The following SPSB4 variants were observed in gnomAD, a reference collection of about 807,000 sequenced individuals.
SPSB4 encodes the protein splA/ryanodine receptor domain and SOCS box containing 4.
SPSB4 carries 21 observed loss-of-function variants against 20.9 expected under a neutral mutation model. The observed-to-expected ratio is 1.01, with a 90% CI of 0.71 to 1.45. The LOEUF is 1.45. Among genes scored for constraint, SPSB4 ranks in the 40% most tolerant of loss-of-function variants. SPSB4 has a pLI of 0.00. For synonymous variants in SPSB4, 207 were observed against 183.8 expected (o/e 1.13, Z -1.02); for missense variants, 399 against 399.2 (o/e 1.00, Z 0.00).
chr3:141,124,203 C>T (rs1007785442), intron 2 of SPSB4: 18 of 152,304 alleles, frequency 1.2e-4, no homozygotes, highest in African/African-American at 4.1e-4. Context: ...CAAAGCAGAG[C>T]GGTAAGGGCT....
intron 2 of SPSB4, among the ~76,000 whole-genome samples, chr3:141,121,928 C>A (rs1165617095): frequency 1.3e-5 from 2 of 152,202 alleles, no homozygotes; most frequent in African/African-American, 4.8e-5. Flanking sequence ...ACTTGTCAAA[C>A]TCATTCTCCG....
At chr3:141,115,329 G>T (rs1298053791) in intron 2 of SPSB4, 1 of 152,188 alleles carries the variant, frequency 6.6e-6, no homozygotes, top group African/African-American at 2.4e-5. Flanking sequence ...TGGTGGATGA[G>T]CTTTATTCTG....
chr3:141,108,767 C>T (rs947329600), intron 2 of SPSB4, among the ~76,000 whole-genome samples: 1 of 152,156 alleles, frequency 6.6e-6, no homozygotes, highest in African/African-American at 2.4e-5. Flanking sequence ...GCTGTGGCAT[C>T]GAGGAAGTGC....
At chr3:141,103,443 C>G (rs996735801) in intron 2 of SPSB4, among the ~76,000 whole-genome samples, 1 of 152,188 alleles carries the variant, frequency 6.6e-6, no homozygotes, top group African/African-American at 2.4e-5. Flanking sequence ...TTTTGGTGCC[C>G]TCAGCTGTAC....
intron 2 of SPSB4, among the ~76,000 whole-genome samples, chr3:141,142,186 A>C (rs1365240473): frequency 6.6e-6 from 1 of 152,188 alleles, no homozygotes; most frequent in Non-Finnish European, 1.5e-5. Flanking sequence ...TAATGCTATG[A>C]ACTTTCCTCT....
chr3:141,110,998 C>T (rs1938788069), intron 2 of SPSB4, among the ~76,000 whole-genome samples: 1 of 152,218 alleles, frequency 6.6e-6, no homozygotes, highest in South Asian at 2.1e-4. Context: ...TGGTTATAGA[C>T]TTGGGCTCTA....
At chr3:141,146,139 G>A (rs548482199) in intron 2 of SPSB4, among the ~76,000 whole-genome samples, 54 of 149,120 alleles carry the variant, frequency 3.6e-4, no homozygotes, top group African/African-American at 1.2e-3. Context: ...AGTTATCCCT[G>A]TATCCCCAGG....
chr3:141,091,252 C>G (rs1938444134), intron 2 of SPSB4, among the ~76,000 whole-genome samples: 1 of 152,168 alleles, frequency 6.6e-6, no homozygotes, highest in Non-Finnish European at 1.5e-5. Flanking sequence ...AGCACCAAGC[C>G]CTTGGGCACT....
In SPSB4 at chr3:141,129,029, G is replaced by A. The variant is rs369591525; in HGVS notation, c.695-18113G>A. 1.8e-4 allele frequency among the ~76,000 whole-genome samples: 27 copies of A among 152,324 alleles called. No individual in the cohort carries two copies. In the East Asian group the frequency reaches 3.7e-3, roughly 21 times the overall value. ...GCACACATCCAAAAAGGAAGCTGCT[G>A]TTTGCTCTGCAACAGTGTAGCTCCC... On this transcript the variant is annotated intron_variant, in intron 2 of 2. Transcript: ENST00000310546.
intron 2 of SPSB4, among the ~76,000 whole-genome samples, chr3:141,089,548 T>C (rs1576526408): frequency 6.6e-6 from 1 of 151,028 alleles, no homozygotes; most frequent in Non-Finnish European, 1.5e-5. Context: ...TGAACAAAGG[T>C]GGAGGGAGGA....
intron 2 of SPSB4, among the ~76,000 whole-genome samples, chr3:141,142,237 G>C (rs956138042): frequency 1.3e-5 from 2 of 152,164 alleles, no homozygotes; most frequent in African/African-American, 4.8e-5. Context: ...TTTGTAAGTT[G>C]TGTCACTATT....
intron 2 of SPSB4, among the ~76,000 whole-genome samples, chr3:141,121,842 T>G (rs762020842): frequency 4.6e-5 from 7 of 152,226 alleles, no homozygotes; most frequent in South Asian, 4.1e-4. Context: ...TTTAGCTTCC[T>G]TGCAATTGGT....
At chr3:141,093,993 T>C (rs1344018190) in intron 2 of SPSB4, among the ~76,000 whole-genome samples, 3 of 152,068 alleles carry the variant, frequency 2.0e-5, no homozygotes, top group Non-Finnish European at 2.9e-5. Flanking sequence ...ATGAGATGTC[T>C]GTAAAAAAAA....
At chr3:141,129,834 C>T (rs1006402260) in intron 2 of SPSB4, among the ~76,000 whole-genome samples, 4 of 152,246 alleles carry the variant, frequency 2.6e-5, no homozygotes, top group Non-Finnish European at 5.9e-5. Flanking sequence ...TTATTTAGGA[C>T]TATTTTCCTG....
intron 2 of SPSB4, among the ~76,000 whole-genome samples, chr3:141,094,159 C>A (rs1426696749): frequency 6.6e-6 from 1 of 152,238 alleles, no homozygotes; most frequent in Non-Finnish European, 1.5e-5. Context: ...TGCCCTGAGG[C>A]TGACACTGCG....
At chr3:141,070,264 TG>T (rs2107781229) in intron 2 of SPSB4, among the ~76,000 whole-genome samples, 1 of 152,354 alleles carries the variant, frequency 6.6e-6, no homozygotes, top group East Asian at 1.9e-4. Context: ...GTGTTTAGTC[TG>T]AGTGGGTGAG....
Position 141,066,039 on chromosome 3 carries a change from C to A in SPSB4, c.-66C>A. 7.3e-7 allele frequency: 1 copy of A among 1,371,452 alleles called. No homozygotes were observed. The highest frequency in any genetic ancestry group is 9.5e-7 in the Non-Finnish European group (1 of 1,050,920). 85.0% of individuals were successfully genotyped at this position (1,371,452 alleles called of 1,614,324 possible). A position where few individuals can be genotyped will look rare whatever the true frequency, so the allele number is the denominator to read the frequency against. ...TCCCAGCCCCGTGGCCCATTCCTGG[C>A]TACGGGGAGTGGAGGCTCCCACGAG... is the stretch of plus-strand genomic sequence containing the variant. On this transcript the variant is annotated 5_prime_UTR_variant, in exon 2 of 3. Transcript: ENST00000310546.
At chr3:141,096,586 T>C (rs1348018260) in intron 2 of SPSB4, among the ~76,000 whole-genome samples, 1 of 152,212 alleles carries the variant, frequency 6.6e-6, no homozygotes, top group Admixed American at 6.5e-5. Flanking sequence ...GGAGACCATT[T>C]GGGTTTCTAA....
chr3:141,130,919 T>C lies in SPSB4; in HGVS notation c.695-16223T>C, dbSNP rs1457705478. 2.0e-5 allele frequency among the ~76,000 whole-genome samples: 3 copies of C among 152,238 alleles called. No individual in the cohort carries two copies. In the East Asian group the frequency reaches 5.8e-4, roughly 29 times the overall value. On this transcript the variant is annotated intron_variant, in intron 2 of 2. Coordinates refer to ENST00000310546, the MANE Select transcript of SPSB4 (RefSeq NM_080862.3). ...TGAAATGATTACCTTGTCATATTTT[T>C]AGCACAGAACCAGACATCCATCCCT...
Sources: gnomAD v4.1 joint callset for allele counts (sites outside exome capture counted in the v4.1 genomes callset) on GRCh38, gnomAD v4.1.1 for gene constraint, MANE v1.5 for transcripts, NCBI Gene and HGNC (gene_info 2026-07-23, HGNC 2026-07-21) for gene names.